Variants in PCGF6 observed in about 807,000 individuals in gnomAD.
PCGF6 encodes polycomb group ring finger 6, also known as polycomb group RING finger protein 6.
In PCGF6, 24 loss-of-function variants were observed where a neutral mutation model predicts 45.5. The ratio of observed to expected loss-of-function variants is 0.53; its 90% CI spans 0.38 to 0.74. The LOEUF (loss-of-function observed/expected upper bound fraction) is 0.74, where lower values mean the gene tolerates loss of function less well. PCGF6 is among the 30% of genes least tolerant of loss of function. The pLI, the probability that PCGF6 is intolerant of heterozygous loss-of-function variation, is 0.00. For synonymous variants in PCGF6, 152 were observed against 162.1 expected (o/e 0.94, Z 0.47); for missense variants, 356 against 443.2 (o/e 0.80, Z 1.77).
intron 8 of PCGF6, among the ~76,000 whole-genome samples, chr10:103,317,190 T>C (rs967108275): frequency 1.3e-5 from 2 of 152,022 alleles, no homozygotes; most frequent in Non-Finnish European, 2.9e-5. Flanking sequence ...TTTGTATTTT[T>C]AGTGGAGATG....
intron 6 of PCGF6, among the ~76,000 whole-genome samples, chr10:103,338,345 C>A (rs2093265675): frequency 6.6e-6 from 1 of 151,598 alleles, no homozygotes; most frequent in Non-Finnish European, 1.5e-5. Context: ...AGATCGAGAC[C>A]ATCCTGGCTA....
chr10:103,347,140 TATA>T (rs2093302609), intron 5 of PCGF6, 95 bp downstream of exon 5: 1 of 890,298 alleles, frequency 1.1e-6, no homozygotes, highest in Non-Finnish European at 1.8e-6. Context: ...TCTCTGATCA[TATA>T]ATAAGCTACC....
chr10:103,302,929 G>T lies in PCGF6; in HGVS notation c.*976C>A, dbSNP rs61400102. ...ATTCAGAAATTCTGCTGTTAAACAG[G>T]ATTTATAAAATATTTCTTTCAGAAA... On this transcript the variant is annotated 3_prime_UTR_variant, in exon 10 of 10. Coordinates refer to ENST00000369847, the MANE Select transcript of PCGF6 (RefSeq NM_001011663.2). 1.3e-5 allele frequency: 2 copies of T among 152,264 alleles called. No homozygotes were observed. Among genetic ancestry groups the T allele is most frequent in the Non-Finnish European group, 2.9e-5 (2 of 68,020 alleles). The allele number at this position is 152,264 out of a possible 1,614,324, so 9.4% of individuals were successfully genotyped here.
In PCGF6 at chr10:103,302,881, C is replaced by T. The variant is rs575400088; in HGVS notation, c.*1024G>A. 6.6e-6 allele frequency: 1 copy of T among 152,176 alleles called. No homozygotes were observed. The highest frequency in any genetic ancestry group is 2.1e-4 in the South Asian group (1 of 4,818). 9.4% of individuals were successfully genotyped at this position (152,176 alleles called of 1,614,324 possible). On this transcript the variant is annotated 3_prime_UTR_variant, in exon 10 of 10. Transcript: ENST00000369847. ...TTACAAAGAATTGCCAATCTTTTTC[C>T]AATTTTGTAGTAGTCTCTACACATT...
intron 3 of PCGF6, among the ~76,000 whole-genome samples, chr10:103,348,042 G>C (rs981647772): frequency 6.6e-6 from 1 of 152,066 alleles, no homozygotes; most frequent in African/African-American, 2.4e-5. Context: ...CTGGAAATTT[G>C]AATAATAAGC....
In PCGF6 at chr10:103,303,506, T is replaced by A. The variant is rs553724206; in HGVS notation, c.*399A>T. ...TTGAATCTTCCACTCAAAAGCACACTTCTCTTCCAAAAAGATGACTGCCCA... is the reference window on the plus strand; with the variant it reads ...TTGAATCTTCCACTCAAAAGCACACATCTCTTCCAAAAAGATGACTGCCCA... On this transcript the variant is annotated 3_prime_UTR_variant, in exon 10 of 10. Transcript: ENST00000369847. 2 of 161,672 alleles carry A rather than the reference T, an allele frequency of 1.2e-5. No homozygotes were observed. Among genetic ancestry groups the A allele is most frequent in the Non-Finnish European group, 1.3e-5 (1 of 74,228 alleles). The allele number at this position is 161,672 out of a possible 1,614,324, so 10.0% of individuals were successfully genotyped here.
At chr10:103,324,398 CTA>C (rs1218952284) in intron 8 of PCGF6, among the ~76,000 whole-genome samples, 3 of 149,594 alleles carry the variant, frequency 2.0e-5, no homozygotes, top group Non-Finnish European at 4.4e-5. Context: ...AGAACTAGAA[CTA>C]TGAGTATATT....
chr10:103,348,773 T>C lies in PCGF6; in HGVS notation c.500A>G (p.Asn167Ser), dbSNP rs1227101285. Residue 167 changes from asparagine (N) to serine (S), a missense_variant, in exon 3 of 10, where the codon AAC becomes AGC. This residue lies in a region of PCGF6 where 307 missense variants were observed against 350.1 expected (regional missense o/e 0.88). Transcript: ENST00000369847. Reference sequence around the variant, plus strand: ...TACTATATTGCATTTTGGACATCTGTTGCTGTAGTAAAAATGTCTTACGAT... The same window carrying C: ...TACTATATTGCATTTTGGACATCTGCTGCTGTAGTAAAAATGTCTTACGAT... Reference protein sequence around the residue: ...SCIVRHFYYSNRCPKCNIVVH... With the variant: ...SCIVRHFYYSSRCPKCNIVVH... The C allele has an allele frequency of 2.5e-6, 4 of 1,612,932 alleles. No homozygotes were observed. Among genetic ancestry groups the C allele is most frequent in the Non-Finnish European group, 3.4e-6 (4 of 1,179,274 alleles).
At chr10:103,333,721 G>C (rs917681001) in intron 7 of PCGF6, among the ~76,000 whole-genome samples, 41 of 152,170 alleles carry the variant, frequency 2.7e-4, no homozygotes, top group Non-Finnish European at 5.4e-4. Flanking sequence ...GTTTTAAAAA[G>C]TATTCACTTA....
intron 7 of PCGF6, among the ~76,000 whole-genome samples, chr10:103,333,518 A>G (rs892349023): frequency 1.2e-4 from 19 of 152,316 alleles, no homozygotes; most frequent in African/African-American, 4.3e-4. Context: ...GAACTTAAAT[A>G]TGTTACAAAG....
At position 103,347,423 on chromosome 10, in the gene PCGF6, C is replaced by T. The variant is rs995659908; in HGVS notation, c.585G>A (p.Val195=). 3.7e-6 allele frequency: 6 copies of T among 1,608,432 alleles called. No individual in the cohort carries two copies. The highest frequency in any genetic ancestry group is 5.1e-6 in the Non-Finnish European group (6 of 1,175,790). Residue 195 remains valine, a synonymous_variant, in exon 4 of 10, where the codon GTG becomes GTA. Coordinates refer to ENST00000369847, the MANE Select transcript of PCGF6 (RefSeq NM_001011663.2). ...IRLDRQLQDI[V]YKLVINLEER... ...CCTCTAGATTGATCACTAATTTGTA[C>T]ACTATGTCTTGTAACTGTCGGTCCA...
chr10:103,318,487 G>A (rs1366287270), intron 8 of PCGF6, among the ~76,000 whole-genome samples: 1 of 151,518 alleles, frequency 6.6e-6, no homozygotes, highest in East Asian at 1.9e-4. Context: ...GCGCACACCT[G>A]TAATCCTAGC....
chr10:103,316,607 TA>T (rs1195286174), intron 8 of PCGF6, among the ~76,000 whole-genome samples: 3 of 152,132 alleles, frequency 2.0e-5, no homozygotes, highest in Non-Finnish European at 4.4e-5. Context: ...CTCCAAAGCC[TA>T]AATGCCATCT....
chr10:103,311,859 TG>T (rs1476197909), intron 9 of PCGF6, among the ~76,000 whole-genome samples: 1 of 135,120 alleles, frequency 7.4e-6, no homozygotes, highest in African/African-American at 2.8e-5. Flanking sequence ...GAGGCTGAGG[TG>T]GGCAGATCAC....
chr10:103,345,709 T>C (rs2093296488), intron 5 of PCGF6, among the ~76,000 whole-genome samples: 1 of 151,394 alleles, frequency 6.6e-6, no homozygotes. Flanking sequence ...GTGCCTGTAA[T>C]CCCAGCTATT....
chr10:103,313,300 C>T (rs542785878), intron 9 of PCGF6, among the ~76,000 whole-genome samples: 2 of 152,312 alleles, frequency 1.3e-5, no homozygotes, highest in African/African-American at 4.8e-5. Context: ...CAGAGGGGCT[C>T]ACCCCTGTAA....
At chr10:103,340,194 A>ATATATAT (rs1313278844) in intron 6 of PCGF6, among the ~76,000 whole-genome samples, 28 of 106,532 alleles carry the variant, frequency 2.6e-4, no homozygotes, top group African/African-American at 1.1e-3. Context: ...AAAAAAAAAA[A>ATATATAT]AAAAATATAT....
At chr10:103,328,143 G>A (rs1039282511) in intron 7 of PCGF6, among the ~76,000 whole-genome samples, 11 of 152,178 alleles carry the variant, frequency 7.2e-5, no homozygotes, top group African/African-American at 2.6e-4. Context: ...ACGATGCTAC[G>A]ACCTCATGCA....
At chr10:103,344,865 C>T (rs372298007) in intron 6 of PCGF6, among the ~76,000 whole-genome samples, 159 bp downstream of exon 6, 2 of 152,076 alleles carry the variant, frequency 1.3e-5, no homozygotes, top group African/African-American at 4.8e-5. Flanking sequence ...CCACTGCACC[C>T]GGCCCTTTAT....
Sources: gnomAD v4.1 joint callset for allele counts (sites outside exome capture counted in the v4.1 genomes callset) on GRCh38, gnomAD v4.1.1 for gene constraint, gnomAD v4.1.1 regional missense constraint, MANE v1.5 for transcripts, NCBI Gene and HGNC (gene_info 2026-07-23, HGNC 2026-07-21) for gene names.